AMPH: variants seen among roughly 807,000 people sequenced by gnomAD.
The protein encoded by AMPH is amphiphysin (Stiff-Mann syndrome with breast cancer 128kD autoantigen).
Under a neutral mutation model 99.1 loss-of-function variants are expected in AMPH, and 49 were observed. The ratio of observed to expected loss-of-function variants is 0.49; its 90% CI spans 0.39 to 0.63. The LOEUF is 0.63. Among genes scored for constraint, AMPH ranks in the 20% least tolerant of loss-of-function variants. AMPH has a pLI of 0.00. For synonymous variants in AMPH, 314 were observed against 317.3 expected (o/e 0.99, Z 0.11); for missense variants, 759 against 863.4 (o/e 0.88, Z 1.52).
intron 1 of AMPH, among the ~76,000 whole-genome samples, chr7:38,562,331 G>A (rs146024383): frequency 1.3e-5 from 2 of 152,324 alleles, no homozygotes; most frequent in African/African-American, 4.8e-5. Flanking sequence ...ACAGGGAGAG[G>A]CCATGCTAAC....
intron 2 of AMPH, among the ~76,000 whole-genome samples, chr7:38,504,411 A>C (rs1443224265): frequency 6.6e-6 from 1 of 152,220 alleles, no homozygotes; most frequent in East Asian, 1.9e-4. Flanking sequence ...GACTCTCTGA[A>C]ACTAGGATGA....
At chr7:38,579,253 G>A (rs1358369435) in intron 1 of AMPH, among the ~76,000 whole-genome samples, 1 of 152,174 alleles carries the variant, frequency 6.6e-6, no homozygotes, top group Non-Finnish European at 1.5e-5. Context: ...GACAAGGGGA[G>A]AGACCAAAAC....
intron 2 of AMPH, among the ~76,000 whole-genome samples, chr7:38,515,024 C>T (rs890155752): frequency 1.4e-4 from 22 of 152,104 alleles, no homozygotes; most frequent in Admixed American, 1.4e-3. Flanking sequence ...TAGGAAAAAC[C>T]TAAATCTCCT....
chr7:38,611,624 G>T (rs1422300013), intron 1 of AMPH, among the ~76,000 whole-genome samples: 1 of 152,194 alleles, frequency 6.6e-6, no homozygotes, highest in Non-Finnish European at 1.5e-5. Context: ...AGCCACAGTA[G>T]GAAATACCAC....
chr7:38,407,169 T>C (rs1432962097), intron 17 of AMPH, among the ~76,000 whole-genome samples: 1 of 143,354 alleles, frequency 7.0e-6, no homozygotes, highest in African/African-American at 2.6e-5. Flanking sequence ...TCTATATCTA[T>C]CTATCTAGCA....
At chr7:38,627,387 CA>C (rs70977419) in intron 1 of AMPH, among the ~76,000 whole-genome samples, 36 of 116,914 alleles carry the variant, frequency 3.1e-4, no homozygotes, top group South Asian at 5.1e-4. Flanking sequence ...ACTAAAAATA[CA>C]AAAAAAAAAA....
At chr7:38,547,945 C>T (rs189847772) in intron 1 of AMPH, among the ~76,000 whole-genome samples, 41 of 152,142 alleles carry the variant, frequency 2.7e-4, no homozygotes, top group East Asian at 1.4e-3. Context: ...ACCAGATATA[C>T]GCATTTGTCT....
chr7:38,470,531 CT>C (rs1787844563), intron 7 of AMPH, among the ~76,000 whole-genome samples: 1 of 152,116 alleles, frequency 6.6e-6, no homozygotes, highest in South Asian at 2.1e-4. Flanking sequence ...ATGGCTCCTT[CT>C]ACATCTCTGA....
intron 16 of AMPH, among the ~76,000 whole-genome samples, chr7:38,420,742 C>T (rs528257562): frequency 1.5e-4 from 23 of 152,206 alleles, no homozygotes; most frequent in Non-Finnish European, 1.9e-4. Flanking sequence ...TTTCTCCAAT[C>T]CTGAGAGAAC....
chr7:38,444,611 A>G (rs967735920), intron 11 of AMPH, among the ~76,000 whole-genome samples: 1 of 152,070 alleles, frequency 6.6e-6, no homozygotes, highest in Non-Finnish European at 1.5e-5. Context: ...AGGAGAGAAG[A>G]AAGGATTGAT....
chr7:38,411,053 G>A (rs1785202085), intron 17 of AMPH, among the ~76,000 whole-genome samples: 1 of 152,232 alleles, frequency 6.6e-6, no homozygotes, highest in South Asian at 2.1e-4. Flanking sequence ...ATCTGGAGTA[G>A]TCAGGAGATA....
intron 17 of AMPH, among the ~76,000 whole-genome samples, chr7:38,398,196 C>CAA (rs1315594490): frequency 1.2e-5 from 1 of 83,936 alleles, no homozygotes; most frequent in African/African-American, 4.3e-5. Context: ...AAAAAAAAAA[C>CAA]AAAAAAAAAA....
At chr7:38,400,871 T>TA (rs1452706196) in intron 17 of AMPH, among the ~76,000 whole-genome samples, 1 of 152,218 alleles carries the variant, frequency 6.6e-6, no homozygotes, top group African/African-American at 2.4e-5. Context: ...TACTTATTTA[T>TA]AAAGTAGGTT....
chr7:38,404,513 A>G (rs1338986007), intron 17 of AMPH, among the ~76,000 whole-genome samples: 7 of 152,164 alleles, frequency 4.6e-5, no homozygotes, highest in Non-Finnish European at 1.5e-5. Context: ...CACAACAGAT[A>G]TCCATAACCA....
chr7:38,604,419 G>T (rs1028207924), intron 1 of AMPH, among the ~76,000 whole-genome samples: 3 of 152,204 alleles, frequency 2.0e-5, no homozygotes, highest in African/African-American at 7.2e-5. Context: ...TCTGTGGACT[G>T]GGCAATGCTT....
At chr7:38,431,911 C>T (rs771005827) in intron 13 of AMPH, among the ~76,000 whole-genome samples, 1 of 152,080 alleles carries the variant, frequency 6.6e-6, no homozygotes. Context: ...TTGCCACCAA[C>T]CACCACAGAA....
chr7:38,518,707 A>G (rs1033603331), intron 2 of AMPH, among the ~76,000 whole-genome samples: 5 of 152,212 alleles, frequency 3.3e-5, no homozygotes, highest in African/African-American at 1.2e-4. Context: ...CTCAGGATGA[A>G]TCATGCATTC....
At chr7:38,580,619 C>G (rs1478604937) in intron 1 of AMPH, among the ~76,000 whole-genome samples, 1 of 152,054 alleles carries the variant, frequency 6.6e-6, no homozygotes, top group Non-Finnish European at 1.5e-5. Flanking sequence ...CCCTCCATAT[C>G]AGTGCTATGA....
chr7:38,524,043 G>A (rs1360529634), intron 2 of AMPH, among the ~76,000 whole-genome samples: 1 of 152,146 alleles, frequency 6.6e-6, no homozygotes, highest in East Asian at 1.9e-4. Flanking sequence ...CCATTACAAA[G>A]TGATAAAAGT....
Sources: gnomAD v4.1 joint callset for allele counts (sites outside exome capture counted in the v4.1 genomes callset) on GRCh38, gnomAD v4.1.1 for gene constraint, MANE v1.5 for transcripts, NCBI Gene and HGNC (gene_info 2026-07-23, HGNC 2026-07-21) for gene names.